The following MEIKIN variants were observed in gnomAD, a reference collection of about 807,000 sequenced individuals.
MEIKIN encodes the protein meiotic kinetochore factor, also known as meiosis-specific kinetochore protein.
chr5:131,851,664 C>T (rs530658085), intron 10 of MEIKIN, among the ~76,000 whole-genome samples: 1 of 152,116 alleles, frequency 6.6e-6, no homozygotes, highest in Non-Finnish European at 1.5e-5. Context: ...CTATGATACA[C>T]CAGAGATTTT....
intron 12 of MEIKIN, among the ~76,000 whole-genome samples, chr5:131,811,949 G>C (rs1168362229): frequency 6.6e-6 from 1 of 152,182 alleles, no homozygotes; most frequent in Admixed American, 6.5e-5. Context: ...CATATGTACA[G>C]CTTGATAGGT....
At chr5:131,933,789 T>C (rs1751727777) in intron 4 of MEIKIN, 148 bp from the exon 5 acceptor site, 2 of 380,610 alleles carry the variant, frequency 5.3e-6, no homozygotes, top group African/African-American at 2.1e-5. Context: ...TAAAAAGGCA[T>C]AATATTTTAA....
At chr5:131,879,860 T>C (rs949586039) in intron 8 of MEIKIN, among the ~76,000 whole-genome samples, 3 of 152,228 alleles carry the variant, frequency 2.0e-5, no homozygotes, top group Non-Finnish European at 2.9e-5. Context: ...CAAGTATTTA[T>C]TGAGTGTCTG....
intron 8 of MEIKIN, among the ~76,000 whole-genome samples, chr5:131,886,529 C>T (rs894047710): frequency 1.8e-4 from 27 of 152,296 alleles, no homozygotes; most frequent in African/African-American, 6.5e-4. Context: ...AGGAAAACAA[C>T]TTTTACTCTA....
intron 8 of MEIKIN, among the ~76,000 whole-genome samples, chr5:131,904,651 A>G (rs1202552774): frequency 6.6e-6 from 1 of 152,228 alleles, no homozygotes; most frequent in Non-Finnish European, 1.5e-5. Context: ...GTATATACCC[A>G]AAGGATTATA....
intron 8 of MEIKIN, among the ~76,000 whole-genome samples, chr5:131,910,382 C>T (rs1041337419): frequency 1.3e-5 from 2 of 151,708 alleles, no homozygotes; most frequent in African/African-American, 2.4e-5. Flanking sequence ...CAATTGAACT[C>T]GTGGAGATAG....
chr5:131,812,127 C>T (rs1352723833), intron 12 of MEIKIN, among the ~76,000 whole-genome samples: 1 of 152,190 alleles, frequency 6.6e-6, no homozygotes, highest in Non-Finnish European at 1.5e-5. Flanking sequence ...AAGTTTTATA[C>T]TGTATGTAGA....
chr5:131,921,942 C>T lies in MEIKIN; in HGVS notation c.479-1G>A. On this transcript the variant is annotated splice_acceptor_variant, in intron 5 of 12. Transcript: ENST00000442687. LOFTEE classifies it high-confidence loss of function. ...TCTTCCAAGTTGGGACACTCCCAGT[C>T]TAAAACAGCAGAGAAGAAATAGTGT... 1 of 398,860 alleles carries T rather than the reference C, an allele frequency of 2.5e-6. No individual in the cohort carries two copies. The allele number at this position is 398,860 out of a possible 1,614,324, so 24.7% of individuals were successfully genotyped here.
intron 5 of MEIKIN, among the ~76,000 whole-genome samples, chr5:131,923,443 T>C (rs951474400): frequency 6.6e-6 from 1 of 152,140 alleles, no homozygotes; most frequent in South Asian, 2.1e-4. Context: ...TTATTTGATG[T>C]TGGATTTCAT....
At chr5:131,825,542 T>C (rs1275405317) in intron 11 of MEIKIN, among the ~76,000 whole-genome samples, 2 of 152,210 alleles carry the variant, frequency 1.3e-5, no homozygotes, top group Non-Finnish European at 2.9e-5. Flanking sequence ...TCAGGGTTTC[T>C]ATTTGGGGTC....
chr5:131,889,142 C>A (rs1179318111), intron 8 of MEIKIN, among the ~76,000 whole-genome samples: 1 of 152,034 alleles, frequency 6.6e-6, no homozygotes, highest in South Asian at 2.1e-4. Flanking sequence ...AGTTAGGTAG[C>A]GTGATGCCTC....
rs193187065 is a variant in MEIKIN, at chr5:131,848,197, T to G, written c.975+3067A>C. Among the ~76,000 whole-genome samples, 4 of 151,720 alleles carry G rather than the reference T, an allele frequency of 2.6e-5. No individual in the cohort carries two copies. In the East Asian group the frequency reaches 7.7e-4, roughly 29 times the overall value. On this transcript the variant is annotated intron_variant, in intron 11 of 12. Coordinates refer to ENST00000442687, the MANE Select transcript of MEIKIN (RefSeq NM_001303622.2). ...AAGATTAGAGCAGACAGAAACAAAA[T>G]AGAGAATAGAAAATCATAAGGAAAA...
At chr5:131,913,106 C>T (rs1185079217) in intron 7 of MEIKIN, among the ~76,000 whole-genome samples, 3 of 152,138 alleles carry the variant, frequency 2.0e-5, no homozygotes, top group Non-Finnish European at 2.9e-5. Context: ...CTGAAGGGTT[C>T]GTTGGAGGTT....
At chr5:131,879,365 T>C (rs1441267754) in intron 8 of MEIKIN, among the ~76,000 whole-genome samples, 1 of 152,248 alleles carries the variant, frequency 6.6e-6, no homozygotes. Context: ...ACTCTCCACA[T>C]TTTCAAGCTC....
At chr5:131,891,547 T>G (rs1750917915) in intron 8 of MEIKIN, among the ~76,000 whole-genome samples, 1 of 152,202 alleles carries the variant, frequency 6.6e-6, no homozygotes. Context: ...AACCCCTGCC[T>G]TTTTTTGTTT....
intron 12 of MEIKIN, among the ~76,000 whole-genome samples, chr5:131,817,372 G>A (rs1580856766): frequency 1.3e-5 from 2 of 152,152 alleles, no homozygotes; most frequent in Admixed American, 1.3e-4. Context: ...AACACTTTGA[G>A]AGGCCAAGGC....
intron 7 of MEIKIN, among the ~76,000 whole-genome samples, chr5:131,914,383 C>CAA (rs373552501): frequency 7.6e-5 from 7 of 92,566 alleles, no homozygotes; most frequent in Non-Finnish European, 1.4e-4. Flanking sequence ...GACTCTGTCT[C>CAA]AAAAAAAAAA....
intron 11 of MEIKIN, among the ~76,000 whole-genome samples, chr5:131,824,292 A>G (rs1283458203): frequency 6.6e-6 from 1 of 151,996 alleles, no homozygotes; most frequent in African/African-American, 2.4e-5. Flanking sequence ...AAGTGGGAGG[A>G]TCACTTGAGG....
intron 11 of MEIKIN, among the ~76,000 whole-genome samples, chr5:131,842,312 T>C (rs894988474): frequency 1.3e-5 from 2 of 152,188 alleles, no homozygotes; most frequent in Non-Finnish European, 2.9e-5. Flanking sequence ...CATTGCCTAA[T>C]TGCTCTGGCT....
Sources: allele counts gnomAD v4.1 joint callset (sites outside exome capture counted in the v4.1 genomes callset), GRCh38; gene constraint gnomAD v4.1.1; transcripts MANE v1.5; gene names NCBI Gene and HGNC (gene_info 2026-07-23, HGNC 2026-07-21).